Variants in TADA2A observed in about 807,000 individuals in gnomAD.
The protein encoded by TADA2A is transcriptional adapter 2-alpha.
A neutral mutation model predicts 67.4 loss-of-function variants in TADA2A; 38 were observed. That is an observed-to-expected ratio of 0.56 (90% confidence interval 0.44 to 0.74). The LOEUF (loss-of-function observed/expected upper bound fraction) is 0.74, where lower values mean the gene tolerates loss of function less well. TADA2A is among the 30% of genes least tolerant of loss of function. TADA2A has a pLI of 0.00. For missense variants in TADA2A, 454 were observed against 547.0 expected (o/e 0.83, Z 1.70); for synonymous variants, 192 against 181.6 (o/e 1.06, Z -0.46).
At chr17:37,467,606 A>T in intron 12 of TADA2A, 81 bp downstream of exon 12, 3 of 1,274,858 alleles carry the variant, frequency 2.4e-6, no homozygotes, top group Non-Finnish European at 3.3e-6. Flanking sequence ...ATTGTTGTGA[A>T]TTTTTTTTTA....
chr17:37,434,710 T>G (rs1201243220), intron 4 of TADA2A, among the ~76,000 whole-genome samples: 1 of 152,202 alleles, frequency 6.6e-6, no homozygotes, highest in Non-Finnish European at 1.5e-5. Flanking sequence ...CTTATTATTG[T>G]GTGGTCCCTT....
intron 10 of TADA2A, among the ~76,000 whole-genome samples, chr17:37,465,227 G>T (rs943840558): frequency 6.6e-6 from 1 of 152,116 alleles, no homozygotes; most frequent in Non-Finnish European, 1.5e-5. Flanking sequence ...CAACATCCCT[G>T]TGGGATAGTT....
chr17:37,451,982 CAAAAAT>C (rs1322917649), intron 8 of TADA2A, among the ~76,000 whole-genome samples: 3 of 150,890 alleles, frequency 2.0e-5, no homozygotes, highest in South Asian at 2.1e-4. Context: ...AAAACTGTCT[CAAAAAT>C]AAAAAATAAA....
chr17:37,431,845 C>T (rs1264020941), intron 4 of TADA2A, among the ~76,000 whole-genome samples: 1 of 152,066 alleles, frequency 6.6e-6, no homozygotes, highest in Non-Finnish European at 1.5e-5. Context: ...GGATGACAAG[C>T]GTGAGCTACT....
intron 15 of TADA2A, among the ~76,000 whole-genome samples, chr17:37,476,541 C>G (rs148943000): frequency 3.0e-3 from 451 of 152,272 alleles, no homozygotes; most frequent in Non-Finnish European, 4.5e-3. Flanking sequence ...CTAACAAACC[C>G]AGGCCCCTGA....
chr17:37,437,797 A>G lies in TADA2A; in HGVS notation c.252A>G (p.Leu84=), dbSNP rs778213822. 4 of 1,614,178 alleles carry G rather than the reference A, an allele frequency of 2.5e-6. No individual in the cohort carries two copies. Among genetic ancestry groups the G allele is most frequent in the Non-Finnish European group, 3.4e-6 (4 of 1,180,036 alleles). The stretch of plus-strand genomic sequence containing the variant: ...CTGCTCAAGAAGAAATGGCCCTTTT[A>G]GAAGCTGTGATGGACTGTGGCTTTG... ...SWTAQEEMAL[L]EAVMDCGFGN... The change falls in exon 5 of 16, where the codon TTA becomes TTG. Residue 84 remains leucine, a synonymous_variant. Coordinates refer to ENST00000615182, the MANE Select transcript of TADA2A (RefSeq NM_001166105.3).
chr17:37,470,678 C>A, intron 13 of TADA2A, 146 bp downstream of exon 13: 1 of 849,234 alleles, frequency 1.2e-6, no homozygotes, highest in East Asian at 2.8e-5. Context: ...ATCTCAGAAA[C>A]AGTGCCATAC....
At position 37,458,587 on chromosome 17, in the gene TADA2A, A is replaced by G; in HGVS notation, c.668A>G (p.Lys223Arg). The change falls in exon 9 of 16, where the codon AAA (lysine) becomes AGA (arginine). Residue 223 changes from lysine (K) to arginine (R), a missense_variant and splice_region_variant. Coordinates refer to ENST00000615182, the MANE Select transcript of TADA2A (RefSeq NM_001166105.3). ...SRLKERQRRK[K>R]IIRDHGLINL... ...TTAAAGGAGAGACAAAGACGAAAAAAGTAAGTATAAAAAACCATCCTGGCC... is the reference window on the plus strand; with the variant it reads ...TTAAAGGAGAGACAAAGACGAAAAAGGTAAGTATAAAAAACCATCCTGGCC... The G allele has an allele frequency of 6.2e-7, 1 of 1,612,818 alleles. No individual in the cohort carries two copies. The highest frequency in any genetic ancestry group is 8.5e-7 in the Non-Finnish European group (1 of 1,179,362).
intron 4 of TADA2A, 33 bp downstream of exon 4, chr17:37,427,042 C>T: frequency 6.5e-7 from 1 of 1,542,410 alleles, no homozygotes; most frequent in Non-Finnish European, 8.8e-7. Flanking sequence ...TTTCTGTTCA[C>T]TTTTTTTAAG....
chr17:37,416,358 G>A (rs1403016063), intron 2 of TADA2A, among the ~76,000 whole-genome samples: 1 of 151,838 alleles, frequency 6.6e-6, no homozygotes, highest in Non-Finnish European at 1.5e-5. Flanking sequence ...AACCTCAGGT[G>A]ATCTGCCTGC....
chr17:37,429,987 T>G (rs1033754848), intron 4 of TADA2A, among the ~76,000 whole-genome samples: 2 of 152,260 alleles, frequency 1.3e-5, no homozygotes, highest in African/African-American at 4.8e-5. Context: ...TTTTCCCAAA[T>G]TAATGCGAGA....
intron 14 of TADA2A, among the ~76,000 whole-genome samples, chr17:37,472,909 CATG>C (rs979017473): frequency 1.7e-5 from 2 of 115,982 alleles, no homozygotes; most frequent in East Asian, 5.1e-4. Flanking sequence ...AACTGGCTAA[CATG>C]ATCATATATT....
chr17:37,435,222 G>T (rs2052686442), intron 4 of TADA2A, among the ~76,000 whole-genome samples: 1 of 151,758 alleles, frequency 6.6e-6, no homozygotes, highest in South Asian at 2.1e-4. Context: ...TACAACACAT[G>T]AGTTCATAAT....
chr17:37,409,088 T>C (rs2051772981), intron 1 of TADA2A, among the ~76,000 whole-genome samples: 1 of 152,096 alleles, frequency 6.6e-6, no homozygotes, highest in African/African-American at 2.4e-5. Flanking sequence ...CTTTCACTTA[T>C]TTATTATTTA....
chr17:37,423,476 C>T, intron 2 of TADA2A, 33 bp from the exon 3 acceptor site: 1 of 1,530,896 alleles, frequency 6.5e-7, no homozygotes, highest in Non-Finnish European at 8.9e-7. Flanking sequence ...GTAAGGTGGT[C>T]TGAAATGTGC....
chr17:37,444,383 T>C (rs2053014488), intron 7 of TADA2A, among the ~76,000 whole-genome samples: 1 of 146,920 alleles, frequency 6.8e-6, no homozygotes, highest in African/African-American at 2.5e-5. Flanking sequence ...ATCTCCTGAG[T>C]AGCTGGGATT....
At chr17:37,407,552 G>A (rs1189710325) in intron 1 of TADA2A, 1 of 152,226 alleles carries the variant, frequency 6.6e-6, no homozygotes, top group African/African-American at 2.4e-5. Flanking sequence ...GTGTTTCCAC[G>A]GAAGTTGGTG....
chr17:37,453,804 C>CT (rs2053299569), intron 8 of TADA2A, among the ~76,000 whole-genome samples: 2 of 69,050 alleles, frequency 2.9e-5, no homozygotes, highest in Admixed American at 4.4e-4. Flanking sequence ...GAGTTTTACT[C>CT]TTGTTGCCCA....
chr17:37,431,385 C>G (rs546935851), intron 4 of TADA2A, among the ~76,000 whole-genome samples: 1 of 152,034 alleles, frequency 6.6e-6, no homozygotes, highest in South Asian at 2.1e-4. Flanking sequence ...TCCAAAATTT[C>G]TCTCTTGGAT....
Sources: allele counts gnomAD v4.1 joint callset (sites outside exome capture counted in the v4.1 genomes callset), GRCh38; gene constraint gnomAD v4.1.1; transcripts MANE v1.5; gene names NCBI Gene and HGNC (gene_info 2026-07-23, HGNC 2026-07-21).